Variants in CACNB2 observed in about 807,000 individuals in gnomAD.
CACNB2 encodes calcium voltage-gated channel auxiliary subunit beta 2.
In CACNB2, 42 loss-of-function variants were observed where a neutral mutation model predicts 73.3. The observed-to-expected ratio is 0.57, with a 90% confidence interval of 0.45 to 0.74. The LOEUF (loss-of-function observed/expected upper bound fraction) is 0.74, where lower values mean the gene tolerates loss of function less well. Ranked by LOEUF, CACNB2 falls within the 30% of genes least tolerant of loss-of-function variation. The probability of loss-of-function intolerance (pLI) is 0.00; values close to 1 mark genes in which losing one functional copy is unlikely to be tolerated. For missense variants in CACNB2, 940 were observed against 853.0 expected, an observed-to-expected ratio of 1.10 and a Z score of -1.27; for synonymous variants, 348 against 310.3, an observed-to-expected ratio of 1.12 and a Z score of -1.28.
At chr10:18,243,213 A>C (rs751224489) in intron 2 of CACNB2, among the ~76,000 whole-genome samples, 1 of 152,044 alleles carries the variant, frequency 6.6e-6, no homozygotes, top group Non-Finnish European at 1.5e-5. Context: ...AAAGTCCCTA[A>C]ATTTTAACAG....
At chr10:18,514,962 A>T (rs1438349556) in intron 7 of CACNB2, 1 of 1,595,340 alleles carries the variant, frequency 6.3e-7, no homozygotes, top group Non-Finnish European at 8.6e-7. Flanking sequence ...GTCAGTATTT[A>T]AACTTCTAAT....
intron 2 of CACNB2, among the ~76,000 whole-genome samples, chr10:18,370,534 A>G (rs1205552306): frequency 6.6e-6 from 1 of 152,070 alleles, no homozygotes. Context: ...TCCTAGACTT[A>G]AGTGATCCTC....
intron 2 of CACNB2, among the ~76,000 whole-genome samples, chr10:18,229,500 T>A (rs1249419223): frequency 1.3e-5 from 2 of 152,242 alleles, no homozygotes; most frequent in Non-Finnish European, 2.9e-5. Flanking sequence ...AATGCACTTT[T>A]AAACTTTTTT....
At chr10:18,192,499 C>T (rs1376542529) in intron 2 of CACNB2, among the ~76,000 whole-genome samples, 2 of 152,094 alleles carry the variant, frequency 1.3e-5, no homozygotes, top group African/African-American at 2.4e-5. Context: ...AGGTATGAGC[C>T]ACCACCTGTA....
intron 2 of CACNB2, among the ~76,000 whole-genome samples, chr10:18,161,198 C>A (rs1224172818): frequency 6.6e-6 from 1 of 152,194 alleles, no homozygotes; most frequent in Non-Finnish European, 1.5e-5. Context: ...AAGTCCCTGT[C>A]CCCTGCCATT....
Position 18,542,704 on chromosome 10 carries a change from T to TA in CACNB2, c.*2983dup, listed in dbSNP as rs1282614833. 1.3e-5 allele frequency: 2 copies of TA among 152,158 alleles called. No individual in the cohort carries two copies. The highest frequency in any genetic ancestry group is 2.9e-5 in the Non-Finnish European group (2 of 68,032). The allele number at this position is 152,158 out of a possible 1,614,324, so 9.4% of individuals were successfully genotyped here. On this transcript the variant is annotated 3_prime_UTR_variant, in exon 14 of 14. Transcript: ENST00000324631. ...AAAAACTGTATAGTGGACATATGTG[T>TA]AAACTGTGTAGTAAATCTGTAAATG...
intron 3 of CACNB2, among the ~76,000 whole-genome samples, chr10:18,434,919 A>G (rs1234341855): frequency 2.0e-5 from 3 of 152,200 alleles, no homozygotes; most frequent in Non-Finnish European, 4.4e-5. Flanking sequence ...TAGAAGGCAA[A>G]TGATGTCTTA....
chr10:18,398,667 TCACACACA>T (rs755907676), intron 2 of CACNB2, among the ~76,000 whole-genome samples: 1 of 132,296 alleles, frequency 7.6e-6, no homozygotes, highest in Non-Finnish European at 1.6e-5. Context: ...AGTGAGACTG[TCACACACA>T]CACACACACA....
At chr10:18,470,130 A>G (rs1279861547) in intron 3 of CACNB2, among the ~76,000 whole-genome samples, 1 of 151,626 alleles carries the variant, frequency 6.6e-6, no homozygotes, top group East Asian at 1.9e-4. Context: ...TTTCATCTCT[A>G]TTTAAGAAAA....
chr10:18,290,543 C>G lies in CACNB2; in HGVS notation c.214-111381C>G, dbSNP rs544356098. On this transcript the variant is annotated intron_variant, in intron 2 of 13. Transcript: ENST00000324631. ...TGAAATAAAATAATAACATGCATTTCTTCTGTTGTAACTGACCTTTCAATC... is the reference window on the plus strand; with the variant it reads ...TGAAATAAAATAATAACATGCATTTGTTCTGTTGTAACTGACCTTTCAATC... Among the ~76,000 whole-genome samples the G allele has an allele frequency of 7.9e-5, 12 of 152,282 alleles. No homozygotes were observed. The East Asian group carries it at 1.9e-3, about 24-fold the overall frequency.
At chr10:18,465,487 G>A (rs112302830) in intron 3 of CACNB2, among the ~76,000 whole-genome samples, 2,509 of 152,138 alleles carry the variant, frequency 0.016, 76 homozygotes, top group African/African-American at 0.056. Flanking sequence ...GCTTCTTGCC[G>A]CAGGTTGAGT....
chr10:18,236,919 G>C (rs553316867), intron 2 of CACNB2, among the ~76,000 whole-genome samples: 1 of 152,300 alleles, frequency 6.6e-6, no homozygotes, highest in East Asian at 1.9e-4. Context: ...ATGCTAGGAA[G>C]CTGGGGATAT....
At chr10:18,184,685 G>A (rs1469798699) in intron 2 of CACNB2, among the ~76,000 whole-genome samples, 1 of 71,046 alleles carries the variant, frequency 1.4e-5, no homozygotes, top group Non-Finnish European at 2.7e-5. Context: ...TCAGTGTTGT[G>A]TATTTGCTTG....
At chr10:18,291,028 A>T (rs2039044395) in intron 2 of CACNB2, among the ~76,000 whole-genome samples, 1 of 152,326 alleles carries the variant, frequency 6.6e-6, no homozygotes, top group African/African-American at 2.4e-5. Context: ...CCTGGTTGTT[A>T]GGATACCAGC....
intron 5 of CACNB2, among the ~76,000 whole-genome samples, chr10:18,501,666 T>C (rs1023884463): frequency 3.9e-5 from 6 of 152,258 alleles, no homozygotes; most frequent in African/African-American, 1.2e-4. Flanking sequence ...GGATGGGACA[T>C]GGGCAAGGCC....
chr10:18,290,577 C>T (rs1358856405), intron 2 of CACNB2, among the ~76,000 whole-genome samples: 1 of 152,116 alleles, frequency 6.6e-6, no homozygotes, highest in African/African-American at 2.4e-5. Flanking sequence ...TCTAAAAGAA[C>T]ATCAGAATTT....
rs1479198110 is a variant in CACNB2, at chr10:18,159,178, C to CTCTA, written c.213+8204_213+8205insCTAT. 3.9e-5 allele frequency among the ~76,000 whole-genome samples: 6 copies of CTCTA among 152,162 alleles called. No individual in the cohort carries two copies. The East Asian group carries it at 1.2e-3, about 29-fold the overall frequency. ...GCTAAGAGGATGACTGCCAGCTTTGCTTTATTTTTATGATTCCACAGCATG... is the reference window on the plus strand; with the variant it reads ...GCTAAGAGGATGACTGCCAGCTTTGCTCTATTTATTTTTATGATTCCACAGCATG... On this transcript the variant is annotated intron_variant, in intron 2 of 13. Transcript: ENST00000324631.
rs907025825 is a variant in CACNB2 at position 18,507,565 on chromosome 10, A to T, written c.670+1018A>T. Reference sequence around the variant, plus strand: ...AATTTAACTGCATTTATATTTGCTAAATCTGGGAACTCTCCTATTCTGTGT... The same window carrying T: ...AATTTAACTGCATTTATATTTGCTATATCTGGGAACTCTCCTATTCTGTGT... On this transcript the variant is annotated intron_variant, in intron 6 of 13. Transcript: ENST00000324631. Among the ~76,000 whole-genome samples the T allele has an allele frequency of 2.0e-5, 3 of 152,212 alleles. No individual in the cohort carries two copies. The East Asian group carries it at 5.8e-4, about 29-fold the overall frequency.
At chr10:18,358,529 TC>T (rs1564466009) in intron 2 of CACNB2, among the ~76,000 whole-genome samples, 3 of 35,008 alleles carry the variant, frequency 8.6e-5, no homozygotes, top group Non-Finnish European at 2.3e-4. Flanking sequence ...TCTCTCTCTC[TC>T]TCTCTCTCTC....
Sources: gnomAD v4.1 joint callset for allele counts (sites outside exome capture counted in the v4.1 genomes callset) on GRCh38, gnomAD v4.1.1 for gene constraint, MANE v1.5 for transcripts, NCBI Gene and HGNC (gene_info 2026-07-23, HGNC 2026-07-21) for gene names.